Variants in TBL1X observed in about 807,000 individuals in gnomAD.
The protein encoded by TBL1X is F-box-like/WD repeat-containing protein TBL1X.
Under a neutral mutation model 50.7 loss-of-function variants are expected in TBL1X, and 10 were observed. The ratio of observed to expected loss-of-function variants is 0.20; its 90% CI spans 0.12 to 0.33. The LOEUF is 0.33. Among genes scored for constraint, TBL1X ranks in the 10% least tolerant of loss-of-function variants. The probability of loss-of-function intolerance (pLI) is 1.00; values close to 1 mark genes in which losing one functional copy is unlikely to be tolerated. For synonymous variants in TBL1X, 190 were observed against 214.7 expected (o/e 0.88, Z 1.01); for missense variants, 340 against 504.4 (o/e 0.67, Z 3.12).
At chrX:9,599,864 C>T (rs1443609119) in intron 2 of TBL1X, among the ~76,000 whole-genome samples, 1 of 112,155 alleles carries the variant, frequency 8.9e-6, no homozygotes, top group Non-Finnish European at 1.9e-5. Flanking sequence ...TGTTAGAATA[C>T]CAGGAAACTT....
intron 2 of TBL1X, among the ~76,000 whole-genome samples, chrX:9,592,893 T>TA (rs2082508488): frequency 8.9e-6 from 1 of 112,199 alleles, no homozygotes; most frequent in Non-Finnish European, 1.9e-5. Flanking sequence ...CCCAGATTGG[T>TA]ACAGAAAGGC....
chrX:9,707,934 G>A (rs915317257), intron 13 of TBL1X, among the ~76,000 whole-genome samples: 3 of 112,564 alleles, frequency 2.7e-5, no homozygotes, highest in Non-Finnish European at 5.6e-5. Flanking sequence ...AAAACTCCAT[G>A]TTCTTAGAAA....
chrX:9,528,417 C>G (rs1166465890), intron 2 of TBL1X, among the ~76,000 whole-genome samples: 1 of 110,806 alleles, frequency 9.0e-6, no homozygotes, highest in East Asian at 2.8e-4. Context: ...GCGAGGAGTT[C>G]TCCCGAGGCC....
At chrX:9,563,010 G>C (rs2082331659) in intron 2 of TBL1X, among the ~76,000 whole-genome samples, 1 of 112,524 alleles carries the variant, frequency 8.9e-6, no homozygotes, top group African/African-American at 3.2e-5. Context: ...TGCTATATCT[G>C]TGGTATTTAT....
intron 5 of TBL1X, among the ~76,000 whole-genome samples, chrX:9,661,878 C>A (rs996631715): frequency 1.5e-4 from 17 of 111,001 alleles, no homozygotes; most frequent in African/African-American, 1.6e-4. Flanking sequence ...GAAGTGAGAT[C>A]CCCTCTGAAA....
chrX:9,687,966 A>G (rs1601839927), intron 6 of TBL1X, 51 bp from the exon 7 acceptor site: 1 of 1,143,450 alleles, frequency 8.7e-7, no homozygotes, highest in Non-Finnish European at 1.2e-6. Flanking sequence ...GGCCATTCCC[A>G]GAGCCCTCAC....
chrX:9,510,171 T>C (rs889371387), intron 2 of TBL1X, among the ~76,000 whole-genome samples: 1 of 111,691 alleles, frequency 9.0e-6, no homozygotes, highest in Non-Finnish European at 1.9e-5. Flanking sequence ...CCAAGGATGC[T>C]GCTGGGCATC....
chrX:9,688,062 A>G lies in TBL1X; in HGVS notation c.403A>G (p.Ile135Val). The change falls in exon 7 of 18, where the codon ATA (isoleucine) becomes GTA (valine). Residue 135 changes from isoleucine to valine, a missense_variant. Ile to Val is a conservative substitution (Grantham distance 29, BLOSUM62 3). This residue lies in a region of TBL1X where 24 missense variants were observed against 44.1 expected (regional missense o/e 0.54). Transcript: ENST00000645353. ...CCGCCCCATAGAGTCCCTGTCACTG[A>G]TAGACGCCGTGATGCCCGACGTGGT... ...DGRPIESLSL[I>V]DAVMPDVVQT... is the part of the protein sequence containing the mutation. The G allele has an allele frequency of 8.3e-7, 1 of 1,210,852 alleles. No individual in the cohort carries two copies.
chrX:9,487,115 T>C (rs1456326029), intron 1 of TBL1X, among the ~76,000 whole-genome samples: 1 of 111,977 alleles, frequency 8.9e-6, no homozygotes, highest in Admixed American at 9.5e-5. Context: ...TTGGCTAATA[T>C]CCTAGTTTCT....
intron 3 of TBL1X, among the ~76,000 whole-genome samples, chrX:9,650,857 C>G (rs1001746819): frequency 9.0e-6 from 1 of 111,388 alleles, no homozygotes; most frequent in African/African-American, 3.3e-5. Context: ...TTTAGCCAAA[C>G]TTCTTTATAA....
rs773024645 is a variant in TBL1X, at chrX:9,650,982, C to T, written c.-42-2563C>T. Among the ~76,000 whole-genome samples, 187 of 83,156 alleles carry T rather than the reference C, an allele frequency of 2.2e-3. 1 individual carries two copies. The highest frequency in any genetic ancestry group is 3.2e-3 in the South Asian group (5 of 1,539). The allele number at this position is 83,156 out of a possible 115,157, so 72.2% of individuals were successfully genotyped here. A position where few individuals can be genotyped will look rare whatever the true frequency, so the allele number is the denominator to read the frequency against. On this transcript the variant is annotated intron_variant, in intron 3 of 17. Coordinates refer to ENST00000645353, the MANE Select transcript of TBL1X (RefSeq NM_005647.4). ...GAATTTTGGTAATAATTTTGTGATA[C>T]ATTTATATTGGGATTTGTAGCTGCC...
intron 3 of TBL1X, among the ~76,000 whole-genome samples, chrX:9,649,850 A>T (rs927262525): frequency 1.8e-5 from 2 of 111,903 alleles, no homozygotes; most frequent in African/African-American, 6.5e-5. Context: ...GTGCAGTGGC[A>T]TAATCATGGC....
chrX:9,587,335 G>A (rs756242625), intron 2 of TBL1X, among the ~76,000 whole-genome samples: 3 of 112,364 alleles, frequency 2.7e-5, no homozygotes, highest in African/African-American at 9.7e-5. Context: ...TGGGGAGGGA[G>A]GCGGCATCCC....
At chrX:9,544,951 G>C (rs188905222) in intron 2 of TBL1X, among the ~76,000 whole-genome samples, 2 of 109,201 alleles carry the variant, frequency 1.8e-5, no homozygotes, top group African/African-American at 6.7e-5. Flanking sequence ...GTGTGAGGCA[G>C]TGGAATAACT....
chrX:9,691,185 C>T (rs929990658), intron 7 of TBL1X, among the ~76,000 whole-genome samples: 2 of 111,546 alleles, frequency 1.8e-5, no homozygotes, highest in Non-Finnish European at 3.8e-5. Flanking sequence ...CCTGTAATTC[C>T]AGCATTTTGG....
intron 2 of TBL1X, among the ~76,000 whole-genome samples, chrX:9,522,905 C>T (rs1312206905): frequency 8.9e-6 from 1 of 111,831 alleles, no homozygotes; most frequent in African/African-American, 3.3e-5. Context: ...TGAAAGTTTC[C>T]ATCTGTGTGC....
chrX:9,502,023 A>G (rs2082004074), intron 2 of TBL1X, among the ~76,000 whole-genome samples, 174 bp downstream of exon 2: 2 of 112,530 alleles, frequency 1.8e-5, no homozygotes, highest in African/African-American at 6.5e-5. Flanking sequence ...CATGCGCCAC[A>G]TGTGGCTGTG....
intron 2 of TBL1X, among the ~76,000 whole-genome samples, chrX:9,597,330 C>T (rs751502049): frequency 9.0e-6 from 1 of 111,499 alleles, no homozygotes; most frequent in South Asian, 3.8e-4. Flanking sequence ...CTCCTTAAAC[C>T]CAGCATGCTG....
At chrX:9,535,522 A>G (rs753788333) in intron 2 of TBL1X, among the ~76,000 whole-genome samples, 5 of 112,417 alleles carry the variant, frequency 4.4e-5, no homozygotes, top group Non-Finnish European at 9.4e-5. Flanking sequence ...GTGTTTGTAA[A>G]CACGCAGCCC....
Sources: allele counts gnomAD v4.1 joint callset (sites outside exome capture counted in the v4.1 genomes callset), GRCh38; gene constraint gnomAD v4.1.1; regional missense constraint gnomAD v4.1.1; transcripts MANE v1.5; gene names NCBI Gene and HGNC (gene_info 2026-07-23, HGNC 2026-07-21).